The following LPCAT1 variants were observed in gnomAD, a reference collection of about 807,000 sequenced individuals.
The protein encoded by LPCAT1 is 1-acylglycerol-3-phosphate O-acyltransferase.
A neutral mutation model predicts 60.9 loss-of-function variants in LPCAT1; 23 were observed. That is an observed-to-expected ratio of 0.38 (90% CI 0.27 to 0.53). LPCAT1 has a LOEUF of 0.53. LPCAT1 is among the 20% of genes least tolerant of loss of function. The pLI is 0.82. For synonymous variants in LPCAT1, 340 were observed against 301.1 expected (o/e 1.13, Z -1.34); for missense variants, 622 against 723.6 (o/e 0.86, Z 1.61).
rs750485950 is a variant in LPCAT1 at position 1,463,604 on chromosome 5, G to C, written c.*47C>G. The C allele has an allele frequency of 6.9e-5, 111 of 1,597,926 alleles. 1 individual carries two copies. The Middle Eastern group carries it at 8.7e-4, about 12-fold the overall frequency. ...GGTCACTCGCAAAGAGGCTCATGGC[G>C]GTGATGTCCACGCGGGAGGGGCCGC... On this transcript the variant is annotated 3_prime_UTR_variant, in exon 14 of 14. Coordinates refer to ENST00000283415, the MANE Select transcript of LPCAT1 (RefSeq NM_024830.5).
chr5:1,492,876 T>G (rs1248745405), intron 3 of LPCAT1, among the ~76,000 whole-genome samples: 2 of 152,244 alleles, frequency 1.3e-5, no homozygotes, highest in Non-Finnish European at 2.9e-5. Context: ...CAAGGACCCC[T>G]GCAGCTGCGA....
chr5:1,512,207 C>G (rs114788469), intron 1 of LPCAT1, among the ~76,000 whole-genome samples: 8,506 of 152,282 alleles, frequency 0.056, 792 homozygotes, highest in African/African-American at 0.19. Flanking sequence ...CCCCGTGAGT[C>G]GCAGTGGGGC....
intron 12 of LPCAT1, among the ~76,000 whole-genome samples, chr5:1,470,239 T>C (rs1391102562): frequency 1.3e-5 from 2 of 152,224 alleles, no homozygotes; most frequent in Non-Finnish European, 2.9e-5. Context: ...AGCCTCAGAA[T>C]AGGCCAGGCC....
rs1736065538 is a variant in LPCAT1, at chr5:1,502,779, TGA to T, written c.136-1178_136-1177del. On this transcript the variant is annotated intron_variant, in intron 1 of 13. Transcript: ENST00000283415. This position sits in a 1 kb window ranked among gnomAD's most constrained non-coding sequence, Gnocchi z 5.5. ...CATCCCTAATTTCTGATGCCTGTCA[TGA>T]GAGCGCTCCCACTCTGTTTCCTTGG... is the stretch of plus-strand genomic sequence containing the variant. Among the ~76,000 whole-genome samples the T allele has an allele frequency of 6.6e-6, 1 of 152,162 alleles. No individual in the cohort carries two copies. The highest frequency in any genetic ancestry group is 6.5e-5 in the Admixed American group (1 of 15,280).
Position 1,522,789 on chromosome 5 carries a change from T to C in LPCAT1, c.135+921A>G, listed in dbSNP as rs1736713261. Among the ~76,000 whole-genome samples, 1 of 152,138 alleles carries C rather than the reference T, an allele frequency of 6.6e-6. No individual in the cohort carries two copies. The highest frequency in any genetic ancestry group is 6.5e-5 in the Admixed American group (1 of 15,284). Reference sequence around the variant, plus strand: ...AAACAGTGCTTGCTTCTAGGAATTATTCTAGAGTCAAAAGTAAGGTCCTCT... The same window carrying C: ...AAACAGTGCTTGCTTCTAGGAATTACTCTAGAGTCAAAAGTAAGGTCCTCT... On this transcript the variant is annotated intron_variant, in intron 1 of 13. Transcript: ENST00000283415. The surrounding 1 kb of genome is among the most constrained non-coding windows in gnomAD (Gnocchi z 6.8).
At chr5:1,471,965 A>AG (rs1210661462) in intron 11 of LPCAT1, among the ~76,000 whole-genome samples, 1 of 135,302 alleles carries the variant, frequency 7.4e-6, no homozygotes, top group Admixed American at 7.3e-5. Context: ...CACCCAGGAC[A>AG]GGGGGAGGAC....
At chr5:1,490,208 G>A (rs1310052218) in intron 3 of LPCAT1, among the ~76,000 whole-genome samples, 1 of 152,244 alleles carries the variant, frequency 6.6e-6, no homozygotes, top group Non-Finnish European at 1.5e-5. Context: ...AGGGTTGAAG[G>A]TGCCAGGTCC....
chr5:1,461,963 C>T lies in LPCAT1; in HGVS notation c.*1688G>A, dbSNP rs1222564374. ...ACTAGGATTTCTTCTGTGTCCAACA[C>T]GCCAAGAGCCCTGAAATTGACTTCG... On this transcript the variant is annotated 3_prime_UTR_variant, in exon 14 of 14. Transcript: ENST00000283415. 8 of 152,614 alleles carry T rather than the reference C, an allele frequency of 5.2e-5. No individual in the cohort carries two copies. Among genetic ancestry groups the T allele is most frequent in the South Asian group, 2.1e-4 (1 of 4,824 alleles). 9.5% of individuals were successfully genotyped at this position (152,614 alleles called of 1,614,324 possible).
chr5:1,509,440 A>C (rs965550654), intron 1 of LPCAT1, among the ~76,000 whole-genome samples: 2 of 152,252 alleles, frequency 1.3e-5, no homozygotes, highest in Non-Finnish European at 2.9e-5. Flanking sequence ...CTGCTGTCCA[A>C]GGTCTAATTT....
At chr5:1,465,889 AC>A (rs144292681) in intron 13 of LPCAT1, among the ~76,000 whole-genome samples, 27,675 of 151,346 alleles carry the variant, frequency 0.18, 3,299 homozygotes, top group Middle Eastern at 0.27. Context: ...ACACAGGCGC[AC>A]ACGCACACAC....
chr5:1,488,007 G>C (rs1341002664), intron 5 of LPCAT1, among the ~76,000 whole-genome samples: 1 of 152,160 alleles, frequency 6.6e-6, no homozygotes, highest in Non-Finnish European at 1.5e-5. Context: ...ATGGCTCGCA[G>C]GGATTTGCAC....
chr5:1,479,321 G>A (rs570600367), intron 8 of LPCAT1, among the ~76,000 whole-genome samples: 5 of 152,344 alleles, frequency 3.3e-5, no homozygotes, highest in African/African-American at 9.6e-5. Context: ...GGTCGAGGCT[G>A]CAGTGAGCCC....
Position 1,461,629 on chromosome 5 carries a change from A to T in LPCAT1, c.*2022T>A, listed in dbSNP as rs1734096435. The T allele has an allele frequency of 6.5e-6, 1 of 152,886 alleles. No homozygotes were observed. The highest frequency in any genetic ancestry group is 2.1e-4 in the South Asian group (1 of 4,836). 9.5% of individuals were successfully genotyped at this position (152,886 alleles called of 1,614,324 possible). A position where few individuals can be genotyped will look rare whatever the true frequency, so the allele number is the denominator to read the frequency against. On this transcript the variant is annotated 3_prime_UTR_variant, in exon 14 of 14. Coordinates refer to ENST00000283415, the MANE Select transcript of LPCAT1 (RefSeq NM_024830.5). ...CAAGGGGTTTAACTCAACGCTATGT[A>T]CATTCACAGTTCCGAATATCCGCCA...
At chr5:1,490,368 AGAG>A (rs1448135825) in intron 3 of LPCAT1, among the ~76,000 whole-genome samples, 2 of 152,186 alleles carry the variant, frequency 1.3e-5, no homozygotes, top group African/African-American at 4.8e-5. Flanking sequence ...CCCTATGGGA[AGAG>A]GAGACAAAGC....
intron 12 of LPCAT1, among the ~76,000 whole-genome samples, chr5:1,467,921 GTCGCCCTGACTCC>G (rs1173637834): frequency 6.6e-6 from 1 of 152,104 alleles, no homozygotes; most frequent in East Asian, 1.9e-4. Flanking sequence ...CGACGGGGCC[GTCGCCCTGACTCC>G]GAGTCCCCTT....
intron 1 of LPCAT1, among the ~76,000 whole-genome samples, chr5:1,517,174 A>C (rs1380455011): frequency 6.6e-6 from 1 of 152,206 alleles, no homozygotes; most frequent in African/African-American, 2.4e-5. Flanking sequence ...AATGGTAAGC[A>C]TGCCCCAGCA....
At chr5:1,463,910 C>A in intron 13 of LPCAT1, 75 bp from the exon 14 acceptor site, 3 of 1,509,090 alleles carry the variant, frequency 2.0e-6, no homozygotes, top group Admixed American at 3.6e-5. Context: ...TCTTTTCCCA[C>A]GGCCCTGGTG....
rs1735750170 is a variant in LPCAT1 at position 1,495,339 on chromosome 5, G to GC, written c.279-426_279-425insG. Among the ~76,000 whole-genome samples, 1 of 151,838 alleles carries GC rather than the reference G, an allele frequency of 6.6e-6. No individual in the cohort carries two copies. The highest frequency in any genetic ancestry group is 2.1e-4 in the South Asian group (1 of 4,796). ...AACGCATATCGCAATATGGGGGGGGGGGCGCTCAGAGCTGAGGGCGGAAGC... is the reference window on the plus strand; with the variant it reads ...AACGCATATCGCAATATGGGGGGGGGCGGCGCTCAGAGCTGAGGGCGGAAGC... On this transcript the variant is annotated intron_variant, in intron 2 of 13. Transcript: ENST00000283415. This position sits in a 1 kb window ranked among gnomAD's most constrained non-coding sequence, Gnocchi z 4.7.
At chr5:1,499,255 C>A (rs10475030) in intron 2 of LPCAT1, among the ~76,000 whole-genome samples, 1 of 152,092 alleles carries the variant, frequency 6.6e-6, no homozygotes, top group East Asian at 1.9e-4. Context: ...TGTGCTCGCA[C>A]GGGGCTCCTG....
Sources: gnomAD v4.1 joint callset for allele counts (sites outside exome capture counted in the v4.1 genomes callset) on GRCh38, gnomAD v4.1.1 for gene constraint, Gnocchi (gnomAD v3.1) non-coding constraint, MANE v1.5 for transcripts, NCBI Gene and HGNC (gene_info 2026-07-23, HGNC 2026-07-21) for gene names.